Variants in CBL observed in about 807,000 individuals in gnomAD.
CBL encodes the protein E3 ubiquitin-protein ligase CBL.
CBL carries 45 observed loss-of-function variants against 96.9 expected under a neutral mutation model. The ratio of observed to expected loss-of-function variants is 0.46; its 90% CI spans 0.37 to 0.60. CBL has a LOEUF of 0.60. Among genes scored for constraint, CBL ranks in the 20% least tolerant of loss-of-function variants. The pLI, the probability that CBL is intolerant of heterozygous loss-of-function variation, is 0.00. For synonymous variants in CBL, 420 were observed against 426.8 expected (o/e 0.98, Z 0.20); for missense variants, 1,024 against 1,143.5 (o/e 0.90, Z 1.51).
chr11:119,301,539 C>T lies in CBL; in HGVS notation c.*1758C>T. On this transcript the variant is annotated 3_prime_UTR_variant, in exon 16 of 16. Transcript: ENST00000264033. ...TCCTTGGATCAGTTTTCTTTCCAGT[C>T]TAATCATCTTTGGAACTAAAACTTG... The T allele has an allele frequency of 4.3e-6, 1 of 233,296 alleles. No homozygotes were observed. The highest frequency in any genetic ancestry group is 2.2e-5 in the African/African-American group (1 of 45,480). 14.5% of individuals were successfully genotyped at this position (233,296 alleles called of 1,614,324 possible). A position where few individuals can be genotyped will look rare whatever the true frequency, so the allele number is the denominator to read the frequency against.
At chr11:119,209,466 A>G (rs1949300037) in intron 1 of CBL, among the ~76,000 whole-genome samples, 1 of 152,198 alleles carries the variant, frequency 6.6e-6, no homozygotes, top group South Asian at 2.1e-4. Flanking sequence ...AAAAAATACA[A>G]AAATTAGCTG....
At chr11:119,219,663 A>G (rs1949392239) in intron 1 of CBL, among the ~76,000 whole-genome samples, 1 of 149,988 alleles carries the variant, frequency 6.7e-6, no homozygotes, top group African/African-American at 2.4e-5. Context: ...ATAACTCTGG[A>G]CAAAGAACCA....
intron 2 of CBL, among the ~76,000 whole-genome samples, chr11:119,248,174 C>G (rs1220660904): frequency 6.6e-6 from 1 of 152,176 alleles, no homozygotes; most frequent in Non-Finnish European, 1.5e-5. Context: ...CCAAAACAAT[C>G]TTGAACAAGA....
intron 1 of CBL, among the ~76,000 whole-genome samples, chr11:119,220,378 G>T (rs917478559): frequency 1.3e-5 from 2 of 152,182 alleles, no homozygotes; most frequent in Non-Finnish European, 2.9e-5. Flanking sequence ...AGAGATTATG[G>T]TGGGAGAATC....
intron 1 of CBL, among the ~76,000 whole-genome samples, chr11:119,229,219 T>G (rs1949482959): frequency 6.6e-6 from 1 of 152,210 alleles, no homozygotes; most frequent in South Asian, 2.1e-4. Context: ...TGACTTACTT[T>G]TGGAATGTAG....
At chr11:119,231,889 G>A (rs192627687) in intron 1 of CBL, among the ~76,000 whole-genome samples, 83 of 151,208 alleles carry the variant, frequency 5.5e-4, no homozygotes, top group African/African-American at 1.9e-3. Context: ...AGGTGGCATC[G>A]TTTGAGCTCA....
chr11:119,277,950 T>C (rs772370797), intron 7 of CBL, 106 bp downstream of exon 7: 10 of 931,786 alleles, frequency 1.1e-5, no homozygotes, highest in Non-Finnish European at 1.6e-5. Flanking sequence ...TTGACTAGAT[T>C]AGTGAATTTG....
intron 3 of CBL, 27 bp from the exon 4 acceptor site, chr11:119,273,841 T>C: frequency 6.2e-7 from 1 of 1,607,012 alleles, no homozygotes; most frequent in Non-Finnish European, 8.5e-7. Context: ...TATTTCACTT[T>C]ATGCCTCCTC....
At chr11:119,278,449 G>T in intron 8 of CBL, 61 bp from the exon 9 acceptor site, 1 of 1,553,816 alleles carries the variant, frequency 6.4e-7, no homozygotes, top group Non-Finnish European at 8.9e-7. Context: ...GTATTTTCTA[G>T]TAGATTAATA....
At chr11:119,266,384 G>T (rs910419995) in intron 2 of CBL, among the ~76,000 whole-genome samples, 1 of 152,140 alleles carries the variant, frequency 6.6e-6, no homozygotes, top group African/African-American at 2.4e-5. Flanking sequence ...GCTTAAGATG[G>T]TGATTGTGAT....
chr11:119,221,718 A>C (rs1246825367), intron 1 of CBL, among the ~76,000 whole-genome samples: 1 of 150,978 alleles, frequency 6.6e-6, no homozygotes, highest in Non-Finnish European at 1.5e-5. Context: ...CAGTGAGCCA[A>C]GTCGCGCCAC....
intron 1 of CBL, among the ~76,000 whole-genome samples, chr11:119,222,003 T>C (rs1424376229): frequency 6.6e-6 from 1 of 152,182 alleles, no homozygotes; most frequent in African/African-American, 2.4e-5. Context: ...TCCTCCTCTC[T>C]TCTTGACAGG....
At chr11:119,221,032 G>A (rs1419919250) in intron 1 of CBL, among the ~76,000 whole-genome samples, 1 of 151,546 alleles carries the variant, frequency 6.6e-6, no homozygotes, top group Non-Finnish European at 1.5e-5. Flanking sequence ...ATCATTTGAG[G>A]CCAGGAGTTC....
chr11:119,240,543 C>G (rs2135272028), intron 2 of CBL, among the ~76,000 whole-genome samples: 1 of 152,312 alleles, frequency 6.6e-6, no homozygotes, highest in African/African-American at 2.4e-5. Context: ...AGATATGACT[C>G]TTAGTTCCAG....
At chr11:119,288,449 C>A (rs1446614998) in intron 12 of CBL, among the ~76,000 whole-genome samples, 1 of 150,484 alleles carries the variant, frequency 6.6e-6, no homozygotes, top group East Asian at 2.0e-4. Context: ...TATGTCCTTA[C>A]ATGGCCATCC....
At chr11:119,227,658 C>T (rs1019658125) in intron 1 of CBL, among the ~76,000 whole-genome samples, 1 of 151,752 alleles carries the variant, frequency 6.6e-6, no homozygotes, top group Non-Finnish European at 1.5e-5. Flanking sequence ...TCAAGCAATT[C>T]TCCTGCCTCA....
chr11:119,269,355 G>A (rs1949826334), intron 2 of CBL, among the ~76,000 whole-genome samples: 2 of 151,142 alleles, frequency 1.3e-5, no homozygotes, highest in African/African-American at 4.9e-5. Flanking sequence ...TCAGTAGCTG[G>A]GATTAAAGGC....
intron 6 of CBL, among the ~76,000 whole-genome samples, chr11:119,276,480 C>G (rs1949890460): frequency 6.6e-6 from 1 of 152,206 alleles, no homozygotes; most frequent in Admixed American, 6.5e-5. Flanking sequence ...TCAAGTGATT[C>G]AATGTTCCTA....
chr11:119,226,640 T>C (rs1295010084), intron 1 of CBL, among the ~76,000 whole-genome samples: 1 of 152,068 alleles, frequency 6.6e-6, no homozygotes, highest in African/African-American at 2.4e-5. Flanking sequence ...GCATTTTTCA[T>C]AGAGACGGAA....
Sources: allele counts gnomAD v4.1 joint callset (sites outside exome capture counted in the v4.1 genomes callset), GRCh38; gene constraint gnomAD v4.1.1; transcripts MANE v1.5; gene names NCBI Gene and HGNC (gene_info 2026-07-23, HGNC 2026-07-21).